The following TAFA2 variants were observed in gnomAD, a reference collection of about 807,000 sequenced individuals.
The protein encoded by TAFA2 is chemokine-like protein TAFA-2.
In TAFA2, 7 loss-of-function variants were observed where a neutral mutation model predicts 18.8. The ratio of observed to expected loss-of-function variants is 0.37; its 90% CI spans 0.21 to 0.70. The LOEUF (loss-of-function observed/expected upper bound fraction) is 0.70, where lower values mean the gene tolerates loss of function less well. TAFA2 is among the 30% of genes least tolerant of loss of function. The pLI is 0.53. For missense variants in TAFA2, 122 were observed against 158.1 expected (o/e 0.77, Z 1.23); for synonymous variants, 60 against 54.2 (o/e 1.11, Z -0.47).
At chr12:61,764,065 A>C (rs1869679104) in intron 2 of TAFA2, among the ~76,000 whole-genome samples, 1 of 152,048 alleles carries the variant, frequency 6.6e-6, no homozygotes, top group Non-Finnish European at 1.5e-5. Flanking sequence ...TTTAAAAGGA[A>C]AAAGACAAAT....
At chr12:61,963,088 G>A (rs1878945460) in intron 1 of TAFA2, among the ~76,000 whole-genome samples, 1 of 151,994 alleles carries the variant, frequency 6.6e-6, no homozygotes, top group Non-Finnish European at 1.5e-5. Context: ...GTATTCCATG[G>A]TGTATATGTG....
chr12:61,867,430 C>G lies in TAFA2; in HGVS notation c.-1-4G>C. 6.7e-7 allele frequency: 1 copy of G among 1,483,648 alleles called. No homozygotes were observed. Among genetic ancestry groups the G allele is most frequent in the South Asian group, 1.2e-5 (1 of 85,522 alleles). The allele number at this position is 1,483,648 out of a possible 1,614,324, so 91.9% of individuals were successfully genotyped here. A position where few individuals can be genotyped will look rare whatever the true frequency, so the allele number is the denominator to read the frequency against. ...CTGTAAGTATCTCTTACTCATCCTG[C>G]AAATAAAAAAATAATAAAAATCATA... On this transcript the variant is annotated splice_polypyrimidine_tract_variant and splice_region_variant and intron_variant, in intron 1 of 4. Transcript: ENST00000416284.
chr12:61,859,342 C>T (rs1190243505), intron 2 of TAFA2, among the ~76,000 whole-genome samples: 1 of 152,224 alleles, frequency 6.6e-6, no homozygotes, highest in Non-Finnish European at 1.5e-5. Context: ...CATCTGCTCC[C>T]ACCATTGACA....
intron 1 of TAFA2, among the ~76,000 whole-genome samples, chr12:62,110,269 A>T (rs1869663674): frequency 6.6e-6 from 1 of 152,072 alleles, no homozygotes; most frequent in African/African-American, 2.4e-5. Context: ...TGTTTATATA[A>T]TGGATTCTCT....
intron 2 of TAFA2, among the ~76,000 whole-genome samples, chr12:61,857,190 T>A (rs1040726001): frequency 4.4e-5 from 6 of 136,310 alleles, no homozygotes; most frequent in Non-Finnish European, 1.0e-4. Flanking sequence ...TTAAGAGTTA[T>A]ATAAGAGTCT....
At chr12:61,757,168 G>C (rs1396319801) in intron 2 of TAFA2, among the ~76,000 whole-genome samples, 1 of 152,050 alleles carries the variant, frequency 6.6e-6, no homozygotes, top group Non-Finnish European at 1.5e-5. Flanking sequence ...GTTATGAAGA[G>C]GTGTAGGAGT....
chr12:62,107,593 G>T (rs1481905634), intron 1 of TAFA2, among the ~76,000 whole-genome samples: 1 of 152,130 alleles, frequency 6.6e-6, no homozygotes, highest in Non-Finnish European at 1.5e-5. Flanking sequence ...AGTAAGGTTT[G>T]CATTCAGAAA....
chr12:61,880,351 G>T (rs7312265), intron 1 of TAFA2: 334,799 of 500,100 alleles, frequency 0.67, 113,317 homozygotes, highest in East Asian at 0.77. Flanking sequence ...AGCGCAGGGA[G>T]CTGGCCATTA....
rs778033321 is a variant in TAFA2 at position 61,867,308 on chromosome 12, A to T, written c.106+12T>A. The T allele has an allele frequency of 2.0e-6, 3 of 1,484,824 alleles. No individual in the cohort carries two copies. Among genetic ancestry groups the T allele is most frequent in the Middle Eastern group, 1.7e-4 (1 of 5,788 alleles). 92.0% of individuals were successfully genotyped at this position (1,484,824 alleles called of 1,614,324 possible). A position where few individuals can be genotyped will look rare whatever the true frequency, so the allele number is the denominator to read the frequency against. The stretch of plus-strand genomic sequence containing the variant: ...TCCACATTTAGTTGAAAAAAAAAAC[A>T]GAAAAGCTTACCTTTATGATGGTTT... On this transcript the variant is annotated intron_variant, in intron 2 of 4. Coordinates refer to ENST00000416284, the MANE Select transcript of TAFA2 (RefSeq NM_178539.5).
intron 1 of TAFA2, among the ~76,000 whole-genome samples, chr12:61,970,135 A>G (rs944993676): frequency 2.0e-5 from 3 of 151,620 alleles, no homozygotes; most frequent in African/African-American, 7.3e-5. Context: ...AAATATATAA[A>G]TTGAATAAAA....
At chr12:62,153,840 T>C (rs1345239309) in intron 1 of TAFA2, among the ~76,000 whole-genome samples, 1 of 152,180 alleles carries the variant, frequency 6.6e-6, no homozygotes, top group African/African-American at 2.4e-5. Context: ...TTTACACCTA[T>C]ATATTTAGAG....
upstream of TAFA2, chr12:62,259,038 A>G (rs1455520102): frequency 1.2e-5 from 2 of 161,100 alleles, no homozygotes; most frequent in African/African-American, 4.8e-5. Context: ...TAATACTGAT[A>G]TACACAAATC....
chr12:62,013,996 C>T (rs900276780), intron 1 of TAFA2, among the ~76,000 whole-genome samples: 1 of 152,196 alleles, frequency 6.6e-6, no homozygotes, highest in African/African-American at 2.4e-5. Context: ...CAGGGACATG[C>T]TAGATACTTC....
At chr12:61,710,485 T>C in intron 4 of TAFA2, 68 bp from the exon 5 acceptor site, 1 of 1,324,316 alleles carries the variant, frequency 7.6e-7, no homozygotes, top group South Asian at 1.2e-5. Context: ...CTAAACACAA[T>C]TAAAAATTAA....
chr12:62,224,667 A>G (rs1010745266), intron 1 of TAFA2, among the ~76,000 whole-genome samples: 1 of 146,080 alleles, frequency 6.8e-6, no homozygotes, highest in Non-Finnish European at 1.5e-5. Context: ...TCATAGACAC[A>G]AAAAATAAAA....
intron 1 of TAFA2, among the ~76,000 whole-genome samples, chr12:61,901,601 T>G (rs1876103498): frequency 6.6e-6 from 1 of 152,134 alleles, no homozygotes; most frequent in Admixed American, 6.5e-5. Context: ...GAACAAAAAC[T>G]TATTTTCTCC....
chr12:61,776,953 G>A (rs1159147637), intron 2 of TAFA2, among the ~76,000 whole-genome samples: 2 of 151,722 alleles, frequency 1.3e-5, no homozygotes, highest in Non-Finnish European at 2.9e-5. Flanking sequence ...CTTTATGCAG[G>A]GGAAAAAACG....
chr12:61,779,795 G>A (rs1049297072), intron 2 of TAFA2, among the ~76,000 whole-genome samples: 4 of 151,762 alleles, frequency 2.6e-5, no homozygotes, highest in African/African-American at 9.7e-5. Context: ...ACTTGCCCAG[G>A]TATGCTGCAG....
chr12:61,980,148 CA>C (rs1450149388), intron 1 of TAFA2, among the ~76,000 whole-genome samples: 1 of 152,260 alleles, frequency 6.6e-6, no homozygotes, highest in East Asian at 1.9e-4. Flanking sequence ...GCTGGTTTAA[CA>C]TATGCAAATC....
Sources: allele counts gnomAD v4.1 joint callset (sites outside exome capture counted in the v4.1 genomes callset), GRCh38; gene constraint gnomAD v4.1.1; transcripts MANE v1.5; gene names NCBI Gene and HGNC (gene_info 2026-07-23, HGNC 2026-07-21).